EPB41: variants seen among roughly 807,000 people sequenced by gnomAD.
EPB41 encodes protein 4.1.
EPB41 carries 65 observed loss-of-function variants against 108.0 expected under a neutral mutation model. The ratio of observed to expected loss-of-function variants is 0.60; its 90% CI spans 0.49 to 0.74. The LOEUF (loss-of-function observed/expected upper bound fraction) is 0.74. EPB41 is among the 30% of genes least tolerant of loss of function. The probability of loss-of-function intolerance (pLI) is 0.00; values close to 1 mark genes in which losing one functional copy is unlikely to be tolerated. For synonymous variants in EPB41, 336 were observed against 358.9 expected, an observed-to-expected ratio of 0.94 and a Z score of 0.72; for missense variants, 875 against 1,037.0, an observed-to-expected ratio of 0.84 and a Z score of 2.15.
At chr1:28,889,831 G>A in intron 1 of EPB41, 3 of 985,318 alleles carry the variant, frequency 3.0e-6, no homozygotes, top group Non-Finnish European at 3.6e-6. Context: ...AGCACGTACT[G>A]TGCACCATAT....
At chr1:29,090,723 C>T (rs1660888959) in intron 16 of EPB41, among the ~76,000 whole-genome samples, 1 of 152,204 alleles carries the variant, frequency 6.6e-6, no homozygotes, top group Non-Finnish European at 1.5e-5. Flanking sequence ...GCACTCCAAC[C>T]TGGTCAACAA....
At chr1:28,938,377 C>T (rs157206) in intron 1 of EPB41, among the ~76,000 whole-genome samples, 47,601 of 151,858 alleles carry the variant, frequency 0.31, 8,995 homozygotes, top group East Asian at 0.85. Context: ...TAATTTCTTT[C>T]ATTGATGGGT....
intron 1 of EPB41, among the ~76,000 whole-genome samples, chr1:28,897,953 G>A (rs990908050): frequency 1.3e-5 from 2 of 152,052 alleles, no homozygotes; most frequent in Admixed American, 1.3e-4. Context: ...GTTAACTCAG[G>A]GGCATCAAGG....
At chr1:29,006,795 G>C (rs1270877201) in intron 4 of EPB41, among the ~76,000 whole-genome samples, 2 of 151,880 alleles carry the variant, frequency 1.3e-5, no homozygotes, top group Non-Finnish European at 2.9e-5. Context: ...AGCTACTCAG[G>C]AGTCAGAGGT....
intron 16 of EPB41, chr1:29,071,924 A>G (rs1012265071): frequency 6.6e-6 from 1 of 152,232 alleles, no homozygotes; most frequent in African/African-American, 2.4e-5. Context: ...ACTTCTAAAC[A>G]AGACTTTTTG....
intron 16 of EPB41, chr1:29,073,009 G>T (rs1450960113): frequency 2.0e-5 from 3 of 151,568 alleles, no homozygotes; most frequent in African/African-American, 4.9e-5. Context: ...TACTTGGGAG[G>T]CTGAGGCAGG....
intron 16 of EPB41, among the ~76,000 whole-genome samples, chr1:29,081,519 A>G (rs1374435554): frequency 6.6e-6 from 1 of 152,060 alleles, no homozygotes; most frequent in Non-Finnish European, 1.5e-5. Context: ...AGATTTTATT[A>G]TATTATTCAG....
Position 29,115,652 on chromosome 1 carries a change from C to T in EPB41, c.2497-47C>T, listed in dbSNP as rs1670690253. The T allele has an allele frequency of 6.7e-7, 1 of 1,484,758 alleles. No homozygotes were observed. The highest frequency in any genetic ancestry group is 1.4e-5 in the African/African-American group (1 of 72,288). The allele number at this position is 1,484,758 out of a possible 1,614,324, so 92.0% of individuals were successfully genotyped here. On this transcript the variant is annotated intron_variant, in intron 19 of 20. Transcript: ENST00000343067. This position sits in a 1 kb window ranked among gnomAD's most constrained non-coding sequence, Gnocchi z 4.4. ...AATGATGACCACTGCCTTCCTTCGC[C>T]ATCAGGCTATTTTCTGCCTCATTGC...
At position 28,982,502 on chromosome 1, in the gene EPB41, G is replaced by A. The variant is rs1288385789; in HGVS notation, c.-7-4929G>A. ...CCAGACACCAGAGCATGGCTGTAGG[G>A]GCAATCTGAGGTGCTATCATCAATG... On this transcript the variant is annotated intron_variant, in intron 1 of 20. Coordinates refer to ENST00000343067, the MANE Select transcript of EPB41 (RefSeq NM_001376013.1). 3 of 883,834 alleles carry A rather than the reference G, an allele frequency of 3.4e-6. No individual in the cohort carries two copies. The East Asian group carries it at 7.3e-5, about 22-fold the overall frequency. The allele number at this position is 883,834 out of a possible 1,614,324, so 54.7% of individuals were successfully genotyped here.
chr1:28,934,265 T>C (rs2093885493), intron 1 of EPB41, among the ~76,000 whole-genome samples: 1 of 152,202 alleles, frequency 6.6e-6, no homozygotes, highest in African/African-American at 2.4e-5. Context: ...TTACTTCCTA[T>C]CAAGGGTACA....
chr1:28,956,360 C>T (rs1463127137), intron 1 of EPB41, among the ~76,000 whole-genome samples: 1 of 152,208 alleles, frequency 6.6e-6, no homozygotes, highest in East Asian at 1.9e-4. Context: ...CTGGGCTTTG[C>T]TGTTTTACAC....
At chr1:29,087,317 G>T (rs1238849058) in intron 16 of EPB41, among the ~76,000 whole-genome samples, 1 of 151,954 alleles carries the variant, frequency 6.6e-6, no homozygotes, top group Non-Finnish European at 1.5e-5. Flanking sequence ...AATAGACTCT[G>T]GATTGCATTT....
chr1:28,947,717 C>T (rs1418998410), intron 1 of EPB41, among the ~76,000 whole-genome samples: 2 of 151,996 alleles, frequency 1.3e-5, no homozygotes, highest in East Asian at 3.9e-4. Flanking sequence ...CTCAACTACT[C>T]GGGAGGCTGA....
At chr1:28,990,947 T>G (rs943830533) in intron 2 of EPB41, among the ~76,000 whole-genome samples, 1 of 152,140 alleles carries the variant, frequency 6.6e-6, no homozygotes, top group African/African-American at 2.4e-5. Context: ...TTTGTCTTCA[T>G]GTGGAGAAAA....
At chr1:29,015,839 C>G in intron 6 of EPB41, 72 bp downstream of exon 6, 1 of 1,002,110 alleles carries the variant, frequency 1.0e-6, no homozygotes, top group Non-Finnish European at 1.6e-6. Context: ...ATTCTTACCA[C>G]CATAAGCTCT....
At chr1:29,068,903 T>TA (rs1649840748) in intron 16 of EPB41, 1 of 840,210 alleles carries the variant, frequency 1.2e-6, no homozygotes, top group Admixed American at 4.3e-5. Flanking sequence ...CTTTTGGCTA[T>TA]ACTAGTAAAT....
At chr1:29,044,766 C>T (rs568181274) in intron 11 of EPB41, among the ~76,000 whole-genome samples, 1 of 152,192 alleles carries the variant, frequency 6.6e-6, no homozygotes. Context: ...GCAGGAGAAT[C>T]GCTTGACCCC....
chr1:29,060,791 T>C (rs1437720843), intron 15 of EPB41, among the ~76,000 whole-genome samples: 1 of 152,238 alleles, frequency 6.6e-6, no homozygotes, highest in African/African-American at 2.4e-5. Context: ...TAAAAGTTCC[T>C]TTAATTTTCC....
At chr1:29,096,282 C>T (rs772225970) in intron 16 of EPB41, 30 of 985,736 alleles carry the variant, frequency 3.0e-5, no homozygotes, top group Middle Eastern at 5.2e-4. Flanking sequence ...ACCACCTCGT[C>T]GGAGTCTCTG....
Sources: gnomAD v4.1 joint callset for allele counts (sites outside exome capture counted in the v4.1 genomes callset) on GRCh38, gnomAD v4.1.1 for gene constraint, Gnocchi (gnomAD v3.1) non-coding constraint, MANE v1.5 for transcripts, NCBI Gene and HGNC (gene_info 2026-07-23, HGNC 2026-07-21) for gene names.